ZDHHC15: variants seen among roughly 807,000 people sequenced by gnomAD.
The protein encoded by ZDHHC15 is palmitoyltransferase ZDHHC15.
ZDHHC15 carries 19 observed loss-of-function variants against 31.7 expected under a neutral mutation model. The ratio of observed to expected loss-of-function variants is 0.60; its 90% CI spans 0.42 to 0.88. The LOEUF (loss-of-function observed/expected upper bound fraction) is 0.88. Among genes scored for constraint, ZDHHC15 ranks in the 40% least tolerant of loss-of-function variants. ZDHHC15 has a pLI of 0.00. For synonymous variants in ZDHHC15, 103 were observed against 90.0 expected, an observed-to-expected ratio of 1.14 and a Z score of -0.82; for missense variants, 209 against 251.2, an observed-to-expected ratio of 0.83 and a Z score of 1.14.
intron 3 of ZDHHC15, among the ~76,000 whole-genome samples, chrX:75,474,442 TATATATAC>T (rs1363310779): frequency 3.3e-4 from 15 of 45,367 alleles, no homozygotes; most frequent in African/African-American, 6.9e-4. Context: ...TTTATATATA[TATATATAC>T]ACACACACAC....
At chrX:75,502,155 C>G (rs1343216101) in intron 2 of ZDHHC15, 1 of 111,725 alleles carries the variant, frequency 9.0e-6, no homozygotes, top group Non-Finnish European at 1.9e-5. Context: ...ATAAAAGTGT[C>G]AGCAGGATTG....
intron 3 of ZDHHC15, among the ~76,000 whole-genome samples, chrX:75,457,645 T>TCACACA (rs35992807): frequency 0.011 from 1,031 of 93,892 alleles, 12 homozygotes; most frequent in East Asian, 0.074. Context: ...TTATTTACAC[T>TCACACA]CACACACACA....
intron 3 of ZDHHC15, among the ~76,000 whole-genome samples, chrX:75,456,746 G>A (rs2084229724): frequency 9.0e-6 from 1 of 110,953 alleles, no homozygotes; most frequent in African/African-American, 3.3e-5. Flanking sequence ...AATCCTCTGA[G>A]CAACGCTGCT....
At position 75,380,463 on chromosome X, in the gene ZDHHC15, C is replaced by T. The variant is rs771905588; in HGVS notation, c.968-1265G>A. Among the ~76,000 whole-genome samples the T allele has an allele frequency of 9.9e-5, 11 of 111,415 alleles. No homozygotes were observed. In the South Asian group the frequency reaches 1.5e-3, roughly 15 times the overall value. On this transcript the variant is annotated intron_variant, in intron 10 of 11. Coordinates refer to ENST00000373367, the MANE Select transcript of ZDHHC15 (RefSeq NM_144969.3). Reference sequence around the variant, plus strand: ...TGCTTTTAGGATGCTTTTACCTTTTCGTACTGCAACATACACTCTTATTTG... The same window carrying T: ...TGCTTTTAGGATGCTTTTACCTTTTTGTACTGCAACATACACTCTTATTTG...
intron 3 of ZDHHC15, among the ~76,000 whole-genome samples, chrX:75,466,472 T>C (rs1440472687): frequency 3.6e-5 from 4 of 111,076 alleles, no homozygotes; most frequent in African/African-American, 1.3e-4. Context: ...ATTATTTGAG[T>C]TTAAAGATAC....
intron 10 of ZDHHC15, among the ~76,000 whole-genome samples, chrX:75,390,441 C>G (rs1432023076): frequency 9.0e-6 from 1 of 111,490 alleles, no homozygotes; most frequent in East Asian, 2.8e-4. Context: ...CAGCACAGCC[C>G]TAGTGGTGGT....
chrX:75,492,411 G>C (rs376537539), intron 2 of ZDHHC15, among the ~76,000 whole-genome samples: 2 of 110,681 alleles, frequency 1.8e-5, no homozygotes, highest in African/African-American at 3.3e-5. Context: ...GAATTGAACT[G>C]AGCTCTGCAC....
chrX:75,486,950 T>C (rs776223768), intron 2 of ZDHHC15, among the ~76,000 whole-genome samples: 1 of 111,131 alleles, frequency 9.0e-6, no homozygotes, highest in Non-Finnish European at 1.9e-5. Flanking sequence ...GGGAAATCTA[T>C]GGCACCACCT....
intron 1 of ZDHHC15, among the ~76,000 whole-genome samples, chrX:75,514,132 G>A (rs1224337513): frequency 1.8e-5 from 2 of 112,684 alleles, no homozygotes; most frequent in African/African-American, 6.4e-5. Flanking sequence ...GCATTCTTTA[G>A]AAAAACTGAA....
chrX:75,399,009 T>C (rs895371165), intron 10 of ZDHHC15, among the ~76,000 whole-genome samples: 1 of 111,982 alleles, frequency 8.9e-6, no homozygotes, highest in South Asian at 3.7e-4. Flanking sequence ...CTCCCTGAAA[T>C]AGGGACAAGT....
At chrX:75,452,880 G>T (rs1009555300) in intron 3 of ZDHHC15, among the ~76,000 whole-genome samples, 11 of 112,039 alleles carry the variant, frequency 9.8e-5, no homozygotes, top group Admixed American at 3.8e-4. Flanking sequence ...CACATTTAAA[G>T]CAGTGTGTAG....
chrX:75,444,687 T>TATATATACAC (rs2084007375), intron 4 of ZDHHC15, among the ~76,000 whole-genome samples: 4 of 29,498 alleles, frequency 1.4e-4, no homozygotes, highest in African/African-American at 6.3e-4. Flanking sequence ...TATATATATA[T>TATATATACAC]ACACACACAC....
Position 75,421,905 on chromosome X carries a change from A to G in ZDHHC15, c.822T>C (p.Phe274=). 8.3e-7 allele frequency: 1 copy of G among 1,210,440 alleles called. No individual in the cohort carries two copies. The highest frequency in any genetic ancestry group is 1.1e-6 in the Non-Finnish European group (1 of 894,781). ...TTAACCAGAACTTCTTCTTATCTCCAAACACCTGCTGGATATTCTTGATGA... is the reference window on the plus strand; with the variant it reads ...TTAACCAGAACTTCTTCTTATCTCCGAACACCTGCTGGATATTCTTGATGA... ...LGFIKNIQQV[F]GDKKKFWLIP... The change falls in exon 9 of 12, where the codon TTT becomes TTC. Residue 274 remains phenylalanine (F), a synonymous_variant. Coordinates refer to ENST00000373367, the MANE Select transcript of ZDHHC15 (RefSeq NM_144969.3).
At chrX:75,426,395 T>A (rs1239744866) in intron 7 of ZDHHC15, among the ~76,000 whole-genome samples, 1 of 110,401 alleles carries the variant, frequency 9.1e-6, no homozygotes, top group African/African-American at 3.3e-5. Context: ...TTTTTCTGTC[T>A]CCCAAAGCAT....
chrX:75,514,167 A>G (rs1276698829), intron 1 of ZDHHC15, among the ~76,000 whole-genome samples: 2 of 112,935 alleles, frequency 1.8e-5, no homozygotes, highest in Admixed American at 1.9e-4. Flanking sequence ...AACCCACGCT[A>G]TACAAAAAAA....
chrX:75,491,288 A>C (rs1031004513), intron 2 of ZDHHC15, among the ~76,000 whole-genome samples: 5 of 110,097 alleles, frequency 4.5e-5, no homozygotes, highest in African/African-American at 1.7e-4. Context: ...ATGGAATTCT[A>C]TGCAGCCATA....
At chrX:75,463,575 T>TACAACAACAACAACA (rs55847003) in intron 3 of ZDHHC15, among the ~76,000 whole-genome samples, 10,507 of 100,635 alleles carry the variant, frequency 0.1, 534 homozygotes, top group East Asian at 0.26. Flanking sequence ...AACTCAAATT[T>TACAACAACAACAACA]ACAACAACAA....
At chrX:75,392,779 A>AT (rs777260033) in intron 10 of ZDHHC15, among the ~76,000 whole-genome samples, 108 of 111,471 alleles carry the variant, frequency 9.7e-4, no homozygotes, top group African/African-American at 3.1e-3. Context: ...AGGCATAAAC[A>AT]TTTTTTTTAA....
At chrX:75,430,956 A>G (rs780862304) in intron 5 of ZDHHC15, among the ~76,000 whole-genome samples, 1 of 111,600 alleles carries the variant, frequency 9.0e-6, no homozygotes, top group Non-Finnish European at 1.9e-5. Context: ...CAAGTCTGGG[A>G]TACTGCCACA....
Sources: gnomAD v4.1 joint callset for allele counts (sites outside exome capture counted in the v4.1 genomes callset) on GRCh38, gnomAD v4.1.1 for gene constraint, MANE v1.5 for transcripts, NCBI Gene and HGNC (gene_info 2026-07-23, HGNC 2026-07-21) for gene names.